Variants in NAXD observed in about 807,000 individuals in gnomAD.
The protein encoded by NAXD is ATP-dependent (S)-NAD(P)H-hydrate dehydratase.
In NAXD, 22 loss-of-function variants were observed where a neutral mutation model predicts 35.8. The observed-to-expected ratio is 0.62, with a 90% confidence interval of 0.44 to 0.88. NAXD has a LOEUF of 0.88. NAXD is among the 40% of genes least tolerant of loss of function. NAXD has a pLI of 0.00. For missense variants in NAXD, 428 were observed against 437.7 expected, an observed-to-expected ratio of 0.98 and a Z score of 0.20; for synonymous variants, 189 against 177.6, an observed-to-expected ratio of 1.06 and a Z score of -0.51.
chr13:110,627,877 A>T (rs1886555527), intron 5 of NAXD, among the ~76,000 whole-genome samples: 1 of 151,970 alleles, frequency 6.6e-6, no homozygotes, highest in African/African-American at 2.4e-5. Context: ...GCCTGGGTGT[A>T]TCTCCCAGGC....
chr13:110,630,318 A>G (rs1886655169), intron 5 of NAXD, among the ~76,000 whole-genome samples: 1 of 152,232 alleles, frequency 6.6e-6, no homozygotes, highest in East Asian at 1.9e-4. Flanking sequence ...GTGAGCTACC[A>G]TGCCTGGCCT....
chr13:110,625,897 G>T (rs1377474312), intron 4 of NAXD, among the ~76,000 whole-genome samples: 1 of 152,212 alleles, frequency 6.6e-6, no homozygotes, highest in Non-Finnish European at 1.5e-5. Context: ...AGAGGAGGAT[G>T]TCAGGTGGTG....
intron 5 of NAXD, among the ~76,000 whole-genome samples, chr13:110,633,698 TGGCTCATA>T (rs112670171): frequency 0.14 from 21,579 of 152,170 alleles, 1,784 homozygotes; most frequent in Admixed American, 0.26. Context: ...CACAATGTAT[TGGCTCATA>T]ATAATAAAAA....
At chr13:110,627,399 A>T in intron 4 of NAXD, 40 bp from the exon 5 acceptor site, 1 of 1,303,938 alleles carries the variant, frequency 7.7e-7, no homozygotes, top group East Asian at 2.3e-5. Flanking sequence ...GTAAATGAGG[A>T]ATTGTGGGTA....
At chr13:110,626,786 A>G (rs1354584370) in intron 4 of NAXD, among the ~76,000 whole-genome samples, 1 of 152,222 alleles carries the variant, frequency 6.6e-6, no homozygotes, top group Non-Finnish European at 1.5e-5. Flanking sequence ...GAAAGGGGAC[A>G]GAAGCCTTAA....
intron 1 of NAXD, among the ~76,000 whole-genome samples, chr13:110,621,078 A>T (rs140433873): frequency 1.3e-5 from 2 of 152,222 alleles, no homozygotes; most frequent in African/African-American, 4.8e-5. Flanking sequence ...AATACATTAA[A>T]TGCCACTTTG....
Position 110,625,188 on chromosome 13 carries a change from A to G in NAXD, c.244-2A>G. On this transcript the variant is annotated splice_acceptor_variant, in intron 3 of 9. Coordinates refer to ENST00000680254, the MANE Select transcript of NAXD (RefSeq NM_001242882.2). LOFTEE classifies it high-confidence loss of function. ...AGTCGGCCTCTTGTGCTCCTTCATC[A>G]GGGCGCAGACTTGTCCCACGTGTTC... 1 of 1,612,650 alleles carries G rather than the reference A, an allele frequency of 6.2e-7. No individual in the cohort carries two copies. The highest frequency in any genetic ancestry group is 2.2e-5 in the East Asian group (1 of 44,852).
intron 8 of NAXD, 38 bp from the exon 9 acceptor site, chr13:110,637,091 G>C (rs1241956875): frequency 6.3e-7 from 1 of 1,581,424 alleles, no homozygotes; most frequent in Non-Finnish European, 8.6e-7. Context: ...CACACACATG[G>C]CCATGCTGAC....
At chr13:110,627,673 A>C (rs1350197195) in intron 5 of NAXD, 126 bp downstream of exon 5, 1 of 670,142 alleles carries the variant, frequency 1.5e-6, no homozygotes, top group African/African-American at 1.8e-5. Flanking sequence ...GATTGAGATA[A>C]GATTTGAGGG....
Position 110,615,622 on chromosome 13 carries a change from T to TG in NAXD, c.25dup (p.Ala9GlyfsTer17). On this transcript the variant is annotated frameshift_variant, in exon 1 of 10. Coordinates refer to ENST00000680254, the MANE Select transcript of NAXD (RefSeq NM_001242882.2). LOFTEE classifies it high-confidence loss of function. ...GCCCGATGGCCCTGGGTCCTCGCTGTGGGGCAATCCGGGCTTGCAGACGAG... is the reference window on the plus strand; with the variant it reads ...GCCCGATGGCCCTGGGTCCTCGCTGTGGGGGCAATCCGGGCTTGCAGACGAG... 6.8e-7 allele frequency: 1 copy of TG among 1,473,988 alleles called. No homozygotes were observed. The highest frequency in any genetic ancestry group is 8.9e-7 in the Non-Finnish European group (1 of 1,117,580). The allele number at this position is 1,473,988 out of a possible 1,614,324, so 91.3% of individuals were successfully genotyped here.
chr13:110,627,413 A>G (rs756157326), intron 4 of NAXD, 26 bp from the exon 5 acceptor site: 1 of 1,522,812 alleles, frequency 6.6e-7, no homozygotes. Flanking sequence ...GTGGGTAACC[A>G]TCCTGGCCTT....
At chr13:110,627,379 A>T (rs1886523757) in intron 4 of NAXD, 60 bp from the exon 5 acceptor site, 1 of 1,039,748 alleles carries the variant, frequency 9.6e-7, no homozygotes, top group African/African-American at 1.6e-5. Flanking sequence ...AAACAAATAC[A>T]TGACAGTAAG....
In NAXD at chr13:110,638,609, T is replaced by G; in HGVS notation, c.*81T>G. The G allele has an allele frequency of 6.7e-7, 1 of 1,494,728 alleles. No homozygotes were observed. The highest frequency in any genetic ancestry group is 1.4e-5 in the African/African-American group (1 of 72,698). 92.6% of individuals were successfully genotyped at this position (1,494,728 alleles called of 1,614,324 possible). ...ATGGGAAAATCCGGACCCACGCGTG[T>G]GCTGAAGGCGTACGGTGCTTGCCAG... is the stretch of plus-strand genomic sequence containing the variant. On this transcript the variant is annotated 3_prime_UTR_variant, in exon 10 of 10. Transcript: ENST00000680254. The surrounding 1 kb of genome is among the most constrained non-coding windows in gnomAD (Gnocchi z 5.4).
At chr13:110,633,436 G>A (rs927153990) in intron 5 of NAXD, among the ~76,000 whole-genome samples, 1 of 152,352 alleles carries the variant, frequency 6.6e-6, no homozygotes, top group East Asian at 1.9e-4. Context: ...TGCAAGCTGA[G>A]GGAGTGGGCT....
At chr13:110,629,684 C>G (rs957500802) in intron 5 of NAXD, among the ~76,000 whole-genome samples, 2 of 152,212 alleles carry the variant, frequency 1.3e-5, no homozygotes, top group Admixed American at 6.5e-5. Flanking sequence ...TCACTGTATG[C>G]ATACACCACC....
chr13:110,628,836 C>T lies in NAXD; in HGVS notation c.441+1289C>T, dbSNP rs138683851. 5.9e-3 allele frequency among the ~76,000 whole-genome samples: 904 copies of T among 152,188 alleles called. 16 individuals are homozygous for T. The highest frequency in any genetic ancestry group is 0.021 in the African/African-American group (864 of 41,494). ...TGTCCAGCTCTGCATCCTGGGGGTGCGGATGAATTAGAGGTGAACGAGCCA... is the reference window on the plus strand; with the variant it reads ...TGTCCAGCTCTGCATCCTGGGGGTGTGGATGAATTAGAGGTGAACGAGCCA... On this transcript the variant is annotated intron_variant, in intron 5 of 9. Coordinates refer to ENST00000680254, the MANE Select transcript of NAXD (RefSeq NM_001242882.2). This position sits in a 1 kb window ranked among gnomAD's most constrained non-coding sequence, Gnocchi z 4.1.
chr13:110,632,501 G>GT (rs1344339552), intron 5 of NAXD, among the ~76,000 whole-genome samples: 3 of 152,176 alleles, frequency 2.0e-5, no homozygotes, highest in Admixed American at 1.3e-4. Flanking sequence ...CGAGTGGCCT[G>GT]TTTTGTCAGG....
At position 110,616,170 on chromosome 13, in the gene NAXD, C is replaced by G. The variant is rs114226418; in HGVS notation, c.46+523C>G. 8.0e-3 allele frequency: 1,638 copies of G among 204,094 alleles called. 25 individuals carry two copies. Among genetic ancestry groups the G allele is most frequent in the African/African-American group, 0.035 (1,536 of 43,406 alleles). 12.6% of individuals were successfully genotyped at this position (204,094 alleles called of 1,614,324 possible). On this transcript the variant is annotated intron_variant, in intron 1 of 9. Transcript: ENST00000680254. ...GCCAACTGCGGGCTTGCTGTTTGGT[C>G]GGAGCTGGATACGGGGGCCCTCCTG...
rs1594189976 is a variant in NAXD, at chr13:110,639,583, T to G, written c.*1055T>G. 2 of 152,218 alleles carry G rather than the reference T, an allele frequency of 1.3e-5. No homozygotes were observed. Among genetic ancestry groups the G allele is most frequent in the Admixed American group, 1.3e-4 (2 of 15,282 alleles). 9.4% of individuals were successfully genotyped at this position (152,218 alleles called of 1,614,324 possible). A position where few individuals can be genotyped will look rare whatever the true frequency, so the allele number is the denominator to read the frequency against. ...TAGCTTCTGTTGTCTTTGTGGATGG[T>G]TTTCCTGGAGCGGCCTGACGTTGAC... is the stretch of plus-strand genomic sequence containing the variant. On this transcript the variant is annotated 3_prime_UTR_variant, in exon 10 of 10. Coordinates refer to ENST00000680254, the MANE Select transcript of NAXD (RefSeq NM_001242882.2).
Sources: allele counts gnomAD v4.1 joint callset (sites outside exome capture counted in the v4.1 genomes callset), GRCh38; gene constraint gnomAD v4.1.1; non-coding constraint Gnocchi (gnomAD v3.1); transcripts MANE v1.5; gene names NCBI Gene and HGNC (gene_info 2026-07-23, HGNC 2026-07-21).